Variants in PLEKHA3 observed in about 807,000 individuals in gnomAD.
PLEKHA3 encodes pleckstrin homology domain-containing family A member 3.
A neutral mutation model predicts 39.2 loss-of-function variants in PLEKHA3; 19 were observed. That is an observed-to-expected ratio of 0.48 (90% CI 0.34 to 0.71). PLEKHA3 has a LOEUF of 0.71. PLEKHA3 is among the 30% of genes least tolerant of loss of function. PLEKHA3 has a pLI of 0.01. For synonymous variants in PLEKHA3, 97 were observed against 118.6 expected, an observed-to-expected ratio of 0.82 and a Z score of 1.18; for missense variants, 253 against 359.5, an observed-to-expected ratio of 0.70 and a Z score of 2.40.
At chr2:178,494,150 C>T (rs1164019425) in intron 4 of PLEKHA3, among the ~76,000 whole-genome samples, 161 bp downstream of exon 4, 2 of 152,128 alleles carry the variant, frequency 1.3e-5, no homozygotes, top group African/African-American at 4.8e-5. Flanking sequence ...AGCATCTTCT[C>T]GATTGTGTCT....
At chr2:178,499,600 C>T (rs1685498473) in intron 6 of PLEKHA3, among the ~76,000 whole-genome samples, 1 of 152,046 alleles carries the variant, frequency 6.6e-6, no homozygotes, top group African/African-American at 2.4e-5. Context: ...ATTATAATAC[C>T]ATATTTTTAC....
rs1685642606 is a variant in PLEKHA3, at chr2:178,508,884, G to C, written c.*4997G>C. ...GGCTGGCTGTGGAGAGTAGGGGAGA[G>C]GACCTGGGTTCCAGTTGCTCTTTAT... On this transcript the variant is annotated 3_prime_UTR_variant, in exon 8 of 8. Coordinates refer to ENST00000234453, the MANE Select transcript of PLEKHA3 (RefSeq NM_019091.4). 1 of 153,796 alleles carries C rather than the reference G, an allele frequency of 6.5e-6. No individual in the cohort carries two copies. Among genetic ancestry groups the C allele is most frequent in the Admixed American group, 6.5e-5 (1 of 15,286 alleles). 9.5% of individuals were successfully genotyped at this position (153,796 alleles called of 1,614,324 possible). A position where few individuals can be genotyped will look rare whatever the true frequency, so the allele number is the denominator to read the frequency against.
chr2:178,485,781 G>A (rs201299395), intron 2 of PLEKHA3, 24 bp downstream of exon 2: 12 of 1,545,558 alleles, frequency 7.8e-6, no homozygotes, highest in Non-Finnish European at 9.8e-6. Flanking sequence ...CAGAATTAGA[G>A]GAATTGGAGG....
chr2:178,488,689 G>C (rs1229511467), intron 2 of PLEKHA3, among the ~76,000 whole-genome samples: 1 of 152,116 alleles, frequency 6.6e-6, no homozygotes, highest in Non-Finnish European at 1.5e-5. Context: ...TTTCAGTACT[G>C]TCTTGGCTAT....
At chr2:178,483,110 T>C (rs1685197489) in intron 1 of PLEKHA3, among the ~76,000 whole-genome samples, 1 of 152,084 alleles carries the variant, frequency 6.6e-6, no homozygotes, top group South Asian at 2.1e-4. Context: ...TTACAAAAAA[T>C]TAGCCAGGCA....
chr2:178,483,647 T>C (rs1247481983), intron 1 of PLEKHA3, among the ~76,000 whole-genome samples: 1 of 152,220 alleles, frequency 6.6e-6, no homozygotes, highest in Admixed American at 6.5e-5. Flanking sequence ...TGGAGGAATG[T>C]ATTTTCACCA....
intron 2 of PLEKHA3, among the ~76,000 whole-genome samples, chr2:178,489,619 G>T (rs1685312442): frequency 6.6e-6 from 1 of 151,824 alleles, no homozygotes; most frequent in East Asian, 1.9e-4. Context: ...GGGAGTACAT[G>T]CTTGCACCAC....
chr2:178,485,826 C>T (rs770871613), intron 2 of PLEKHA3, 69 bp downstream of exon 2: 38 of 1,198,418 alleles, frequency 3.2e-5, no homozygotes, highest in East Asian at 4.7e-5. Flanking sequence ...ATACTCCAGA[C>T]GAGGAAAAAA....
rs2154128352 is a variant in PLEKHA3, at chr2:178,513,384, G to A, written c.*9497G>A. On this transcript the variant is annotated 3_prime_UTR_variant, in exon 8 of 8. Coordinates refer to ENST00000234453, the MANE Select transcript of PLEKHA3 (RefSeq NM_019091.4). ...GACCTTTACTTGAGTATTTTTTTGT[G>A]TGTGACAGTTGAACAATTCTGACCC... The A allele has an allele frequency of 6.6e-6, 1 of 152,246 alleles. No homozygotes were observed. The highest frequency in any genetic ancestry group is 2.1e-4 in the South Asian group (1 of 4,822). The allele number at this position is 152,246 out of a possible 1,614,324, so 9.4% of individuals were successfully genotyped here.
intron 4 of PLEKHA3, 136 bp from the exon 5 acceptor site, chr2:178,495,358 AGG>A: frequency 1.3e-6 from 1 of 767,222 alleles, no homozygotes; most frequent in East Asian, 3.1e-5. Context: ...TAATTTTCTA[AGG>A]TACTGTATTT....
At chr2:178,488,567 T>TTTG (rs909537506) in intron 2 of PLEKHA3, among the ~76,000 whole-genome samples, 81 of 152,262 alleles carry the variant, frequency 5.3e-4, no homozygotes, top group Middle Eastern at 3.4e-3. Context: ...TGGCCCTGTT[T>TTTG]TTGTTGTTGT....
rs1047798579 is a variant in PLEKHA3, at chr2:178,498,682, G to A, written c.616-529G>A. On this transcript the variant is annotated intron_variant, in intron 5 of 7. Coordinates refer to ENST00000234453, the MANE Select transcript of PLEKHA3 (RefSeq NM_019091.4). ...CACTGAGACTTAGGGTTCTTCTTCT[G>A]AGTTCTTTAAAGTCTTGAATTATTA... Among the ~76,000 whole-genome samples the A allele has an allele frequency of 2.0e-5, 3 of 151,430 alleles. No homozygotes were observed. In the South Asian group the frequency reaches 6.3e-4, roughly 32 times the overall value.
At chr2:178,500,499 T>C (rs551940026) in intron 6 of PLEKHA3, among the ~76,000 whole-genome samples, 1 of 152,280 alleles carries the variant, frequency 6.6e-6, no homozygotes, top group African/African-American at 2.4e-5. Context: ...TTAAGTACAG[T>C]AAAGTTGGGC....
rs190533552 is a variant in PLEKHA3, at chr2:178,506,105, A to G, written c.*2218A>G. The G allele has an allele frequency of 5.1e-4, 77 of 152,288 alleles. No individual in the cohort carries two copies. The highest frequency in any genetic ancestry group is 1.7e-3 in the African/African-American group (70 of 41,564). 9.4% of individuals were successfully genotyped at this position (152,288 alleles called of 1,614,324 possible). On this transcript the variant is annotated 3_prime_UTR_variant, in exon 8 of 8. Coordinates refer to ENST00000234453, the MANE Select transcript of PLEKHA3 (RefSeq NM_019091.4). ...TTGAATTTTAAGAAAAAGATGAACC[A>G]TATAACAATTCTGTAAGAATTTTAG...
At chr2:178,485,337 C>T (rs190638015) in intron 1 of PLEKHA3, among the ~76,000 whole-genome samples, 117 of 152,260 alleles carry the variant, frequency 7.7e-4, no homozygotes, top group African/African-American at 2.6e-3. Context: ...ATGCTATACC[C>T]GGTTTAGGGC....
At position 178,509,828 on chromosome 2, in the gene PLEKHA3, A is replaced by G. The variant is rs910622539; in HGVS notation, c.*5941A>G. The G allele has an allele frequency of 1.3e-5, 2 of 152,034 alleles. No individual in the cohort carries two copies. The highest frequency in any genetic ancestry group is 2.9e-5 in the Non-Finnish European group (2 of 68,014). The allele number at this position is 152,034 out of a possible 1,614,324, so 9.4% of individuals were successfully genotyped here. A position where few individuals can be genotyped will look rare whatever the true frequency, so the allele number is the denominator to read the frequency against. ...GTTTATTCTTGAGTGAAAATGTTTC[A>G]CCATAGGAAGAATTACTAATATATG... On this transcript the variant is annotated 3_prime_UTR_variant, in exon 8 of 8. Coordinates refer to ENST00000234453, the MANE Select transcript of PLEKHA3 (RefSeq NM_019091.4).
At chr2:178,492,715 G>A (rs1022707913) in intron 3 of PLEKHA3, among the ~76,000 whole-genome samples, 3 of 151,968 alleles carry the variant, frequency 2.0e-5, no homozygotes, top group African/African-American at 7.3e-5. Context: ...TACTTATACA[G>A]ACAGAAAATA....
intron 1 of PLEKHA3, among the ~76,000 whole-genome samples, chr2:178,485,255 C>G (rs1685230852): frequency 1.3e-5 from 2 of 152,132 alleles, no homozygotes; most frequent in Admixed American, 1.3e-4. Context: ...AGGCTAGAAC[C>G]CTTGTCTTCT....
intron 2 of PLEKHA3, among the ~76,000 whole-genome samples, chr2:178,489,451 C>CTTTTTTTTTTTTT (rs71023445): frequency 3.6e-5 from 3 of 82,370 alleles, no homozygotes; most frequent in African/African-American, 9.9e-5. Context: ...TCTTTTCCTT[C>CTTTTTTTTTTTTT]TTTTTTTTTT....
Sources: allele counts gnomAD v4.1 joint callset (sites outside exome capture counted in the v4.1 genomes callset), GRCh38; gene constraint gnomAD v4.1.1; transcripts MANE v1.5; gene names NCBI Gene and HGNC (gene_info 2026-07-23, HGNC 2026-07-21).